Variants in BCAT1 observed in about 807,000 individuals in gnomAD.
BCAT1 encodes the protein branched chain amino acid transaminase 1.
A neutral mutation model predicts 52.4 loss-of-function variants in BCAT1; 48 were observed. The ratio of observed to expected loss-of-function variants is 0.92; its 90% CI spans 0.73 to 1.16. The LOEUF is 1.16. Among genes scored for constraint, BCAT1 ranks in the 50% most tolerant of loss-of-function variants. The pLI is 0.00. For missense variants in BCAT1, 451 were observed against 457.1 expected, an observed-to-expected ratio of 0.99 and a Z score of 0.12; for synonymous variants, 167 against 161.3, an observed-to-expected ratio of 1.04 and a Z score of -0.27.
intron 2 of BCAT1, among the ~76,000 whole-genome samples, chr12:24,898,520 C>CTTTTTTGTTTTTTT (rs1943012684): frequency 2.6e-5 from 1 of 38,536 alleles, no homozygotes. Flanking sequence ...TCAGTCAACA[C>CTTTTTTGTTTTTTT]TTTTTTTTTT....
chr12:24,894,329 A>G lies in BCAT1; in HGVS notation c.225T>C (p.Pro75=). The G allele has an allele frequency of 6.2e-7, 1 of 1,613,960 alleles. No homozygotes were observed. Residue 75 remains proline (P), a synonymous_variant, in exon 3 of 11, where the codon CCT becomes CCC. Coordinates refer to ENST00000261192, the MANE Select transcript of BCAT1 (RefSeq NM_005504.7). ...EFGWEKPHIK[P]LQNLSLHPGS... is the part of the protein sequence containing the mutation. ...CAGGGTGCAATGACAGGTTCTGAAG[A>G]GGCTTGATATGAGGTTTCTCCCATC...
At chr12:24,941,306 G>C (rs1308646853) in intron 1 of BCAT1, among the ~76,000 whole-genome samples, 1 of 152,102 alleles carries the variant, frequency 6.6e-6, no homozygotes, top group East Asian at 1.9e-4. Context: ...AGCTACATGA[G>C]TTTGCAGCTA....
At position 24,813,417 on chromosome 12, in the gene BCAT1, TAA is replaced by T. The variant is rs1939760555; in HGVS notation, c.*4589_*4590del. The T allele has an allele frequency of 6.6e-6, 1 of 152,046 alleles. No individual in the cohort carries two copies. Among genetic ancestry groups the T allele is most frequent in the African/African-American group, 2.4e-5 (1 of 41,438 alleles). 9.4% of individuals were successfully genotyped at this position (152,046 alleles called of 1,614,324 possible). ...ATAGCTGGATCCATCACCTTCAAGC[TAA>T]TACTTTAAACAGCATGGTTCATAAT... On this transcript the variant is annotated 3_prime_UTR_variant, in exon 11 of 11. Coordinates refer to ENST00000261192, the MANE Select transcript of BCAT1 (RefSeq NM_005504.7).
chr12:24,890,349 G>C (rs1391235984), intron 3 of BCAT1, among the ~76,000 whole-genome samples: 1 of 152,118 alleles, frequency 6.6e-6, no homozygotes, highest in Non-Finnish European at 1.5e-5. Flanking sequence ...TTAGGGGCTG[G>C]GTAAAATAAG....
chr12:24,901,448 G>C (rs190131181), intron 2 of BCAT1, among the ~76,000 whole-genome samples: 2 of 152,306 alleles, frequency 1.3e-5, no homozygotes, highest in Admixed American at 1.3e-4. Flanking sequence ...TCACTGTAGA[G>C]TGTTATGTGC....
intron 5 of BCAT1, among the ~76,000 whole-genome samples, chr12:24,874,702 T>C (rs1942277655): frequency 6.6e-6 from 1 of 152,218 alleles, no homozygotes; most frequent in Non-Finnish European, 1.5e-5. Flanking sequence ...GGAGAGTTTG[T>C]TGAATGCAGA....
chr12:24,881,244 A>C, intron 4 of BCAT1, 57 bp downstream of exon 4: 2 of 1,258,426 alleles, frequency 1.6e-6, no homozygotes, highest in Non-Finnish European at 2.3e-6. Flanking sequence ...TTTGGTGGTC[A>C]ACACCGTGAC....
chr12:24,943,622 ATTAT>A (rs1413764994), intron 1 of BCAT1, among the ~76,000 whole-genome samples: 4 of 151,394 alleles, frequency 2.6e-5, no homozygotes, highest in Middle Eastern at 3.4e-3. Context: ...TTTTATTTGT[ATTAT>A]TTATTTATTC....
At position 24,871,030 on chromosome 12, in the gene BCAT1, GA is replaced by G. The variant is rs916277802; in HGVS notation, c.510+7499del. 1.0e-4 allele frequency among the ~76,000 whole-genome samples: 15 copies of G among 147,388 alleles called. No homozygotes were observed. In the East Asian group the frequency reaches 1.8e-3, roughly 17 times the overall value. ...AGAGCAAGACTCTGTCTCAAAAAAA[GA>G]AAAAAAAAAGATTGTTATCAGAGTT... On this transcript the variant is annotated intron_variant, in intron 5 of 10. Coordinates refer to ENST00000261192, the MANE Select transcript of BCAT1 (RefSeq NM_005504.7).
chr12:24,866,507 G>A lies in BCAT1; in HGVS notation c.510+12023C>T, dbSNP rs544364735. Reference sequence around the variant, plus strand: ...CGGGTGCACGGCGCGGGACTGGCAGGCAGCTCCACCTGCAGCCCTGGTGCA... The same window carrying A: ...CGGGTGCACGGCGCGGGACTGGCAGACAGCTCCACCTGCAGCCCTGGTGCA... On this transcript the variant is annotated intron_variant, in intron 5 of 10. Transcript: ENST00000261192. 2.6e-5 allele frequency among the ~76,000 whole-genome samples: 4 copies of A among 152,348 alleles called. No homozygotes were observed. The South Asian group carries it at 8.3e-4, about 32-fold the overall frequency.
intron 5 of BCAT1, among the ~76,000 whole-genome samples, chr12:24,869,683 A>T (rs1017871502): frequency 6.6e-6 from 1 of 152,154 alleles, no homozygotes; most frequent in African/African-American, 2.4e-5. Context: ...AGAATACCAT[A>T]CCAGATGGGA....
chr12:24,884,785 T>TA (rs944859438), intron 3 of BCAT1, among the ~76,000 whole-genome samples: 3 of 152,134 alleles, frequency 2.0e-5, no homozygotes, highest in African/African-American at 7.2e-5. Context: ...GTTTAACATT[T>TA]AAAAAAATCA....
At chr12:24,948,685 GCGAATGTGAAAAAGTC>G (rs1943973501) in intron 1 of BCAT1, among the ~76,000 whole-genome samples, 2 of 152,186 alleles carry the variant, frequency 1.3e-5, no homozygotes, top group South Asian at 4.1e-4. Flanking sequence ...GTTCCCAAAA[GCGAATGTGAAAAAGTC>G]CGAGAAGGCA....
intron 6 of BCAT1, among the ~76,000 whole-genome samples, chr12:24,843,156 G>GA (rs531106092): frequency 6.6e-6 from 1 of 151,638 alleles, no homozygotes; most frequent in Admixed American, 6.6e-5. Context: ...AACAAACAAT[G>GA]AAAAACAACT....
chr12:24,841,098 A>T (rs6487429), intron 7 of BCAT1, among the ~76,000 whole-genome samples: 8 of 152,036 alleles, frequency 5.3e-5, no homozygotes, highest in African/African-American at 1.4e-4. Context: ...AAAAGTAATG[A>T]GTACTCAGGA....
rs79457184 is a variant in BCAT1, at chr12:24,885,549, G to A, written c.280-4138C>T. Among the ~76,000 whole-genome samples, 1,175 of 152,012 alleles carry A rather than the reference G, an allele frequency of 7.7e-3. 11 individuals are homozygous for A. The highest frequency in any genetic ancestry group is 0.027 in the African/African-American group (1,133 of 41,452). ...AAAAACTGCATGACAAAAGTTTATC[G>A]ACTTGATAAACCAAATCTAAAAATT... On this transcript the variant is annotated intron_variant, in intron 3 of 10. Coordinates refer to ENST00000261192, the MANE Select transcript of BCAT1 (RefSeq NM_005504.7).
At chr12:24,946,308 C>T (rs1210590290) in intron 1 of BCAT1, among the ~76,000 whole-genome samples, 1 of 152,058 alleles carries the variant, frequency 6.6e-6, no homozygotes, top group African/African-American at 2.4e-5. Context: ...ATTAGGAAAA[C>T]AATTGGAATG....
chr12:24,934,291 C>T (rs913773949), intron 1 of BCAT1, among the ~76,000 whole-genome samples: 3 of 152,186 alleles, frequency 2.0e-5, no homozygotes, highest in African/African-American at 4.8e-5. Context: ...TCCTCTTCAC[C>T]TTCTGCCATG....
chr12:24,826,039 C>G (rs1460631380), intron 10 of BCAT1, among the ~76,000 whole-genome samples: 1 of 152,050 alleles, frequency 6.6e-6, no homozygotes, highest in Non-Finnish European at 1.5e-5. Context: ...TGGTGAGACT[C>G]CATCTCTACA....
Sources: gnomAD v4.1 joint callset for allele counts (sites outside exome capture counted in the v4.1 genomes callset) on GRCh38, gnomAD v4.1.1 for gene constraint, MANE v1.5 for transcripts, NCBI Gene and HGNC (gene_info 2026-07-23, HGNC 2026-07-21) for gene names.